ASTL: variants seen among roughly 807,000 people sequenced by gnomAD.
ASTL encodes astacin-like metalloendopeptidase.
A neutral mutation model predicts 36.7 loss-of-function variants in ASTL; 27 were observed. The observed-to-expected ratio is 0.73, with a 90% CI of 0.54 to 1.01. The LOEUF (loss-of-function observed/expected upper bound fraction) is 1.01. Ranked by LOEUF, ASTL falls within the 50% of genes least tolerant of loss-of-function variation. The pLI is 0.00. For missense variants in ASTL, 524 were observed against 572.8 expected, an observed-to-expected ratio of 0.91 and a Z score of 0.87; for synonymous variants, 222 against 228.1, an observed-to-expected ratio of 0.97 and a Z score of 0.24.
intron 6 of ASTL, 97 bp from the exon 7 acceptor site, chr2:96,130,242 T>A: frequency 1.1e-6 from 1 of 938,866 alleles, no homozygotes; most frequent in Non-Finnish European, 1.7e-6. Flanking sequence ...AGCTCATAAC[T>A]CACCCAAGCT....
chr2:96,138,272 G>T, intron 1 of ASTL, 110 bp downstream of exon 1: 1 of 1,036,228 alleles, frequency 9.7e-7, no homozygotes. Context: ...TGTGCTCTGA[G>T]CTACTGAGCT....
intron 8 of ASTL, 101 bp downstream of exon 8, chr2:96,129,723 T>TC (rs1443632847): frequency 2.5e-6 from 3 of 1,200,860 alleles, no homozygotes; most frequent in South Asian, 1.8e-5. Context: ...CTCACCCTGC[T>TC]CCCCCTGCAA....
chr2:96,125,631 T>G (rs887962333), intron 8 of ASTL, among the ~76,000 whole-genome samples: 1 of 152,172 alleles, frequency 6.6e-6, no homozygotes, highest in African/African-American at 2.4e-5. Context: ...CTAGTCATGG[T>G]AGTCAAACCT....
chr2:96,135,151 T>C (rs1475803896), intron 3 of ASTL, among the ~76,000 whole-genome samples, 200 bp downstream of exon 3: 9 of 152,266 alleles, frequency 5.9e-5, no homozygotes, highest in Admixed American at 3.3e-4. Flanking sequence ...GCACTTCAGA[T>C]ACCAGCCTTC....
chr2:96,125,540 A>T (rs957445159), intron 8 of ASTL, among the ~76,000 whole-genome samples: 1 of 152,116 alleles, frequency 6.6e-6, no homozygotes. Context: ...TCATGGTTCC[A>T]GCATCTGAAT....
rs1316279974 is a variant in ASTL, at chr2:96,123,404, G to A, written c.*446C>T. Among the ~76,000 whole-genome samples, 1 of 152,246 alleles carries A rather than the reference G, an allele frequency of 6.6e-6. No individual in the cohort carries two copies. The highest frequency in any genetic ancestry group is 2.4e-5 in the African/African-American group (1 of 41,462). On this transcript the variant is annotated 3_prime_UTR_variant, in exon 9 of 9. Coordinates refer to ENST00000342380, the MANE Select transcript of ASTL (RefSeq NM_001002036.4). ...CACTTGGGCATGTTGGGTGGGATGG[G>A]AGGCTGTTCCCAGGGTCCCAGCCAC...
Position 96,132,616 on chromosome 2 carries a change from C to A in ASTL, c.561G>T (p.Val187=). The change falls in exon 6 of 9, where the codon GTG becomes GTT. Residue 187 remains valine (V), a synonymous_variant. Transcript: ENST00000342380. This position sits in a 1 kb window ranked among gnomAD's most constrained non-coding sequence, Gnocchi z 5.4. ...GCGTGTGCTCGTGCCAGAAGCCCAGCACATGCATGAGCTCATGAAGGACAA... is the reference window on the plus strand; with the variant it reads ...GCGTGTGCTCGTGCCAGAAGCCCAGAACATGCATGAGCTCATGAAGGACAA... ...RGIVLHELMH[V]LGFWHEHTRA... 4 of 1,613,454 alleles carry A rather than the reference C, an allele frequency of 2.5e-6. No individual in the cohort carries two copies. Among genetic ancestry groups the A allele is most frequent in the Non-Finnish European group, 3.4e-6 (4 of 1,179,626 alleles).
At chr2:96,136,155 G>T (rs1682295310) in intron 2 of ASTL, among the ~76,000 whole-genome samples, 2 of 152,244 alleles carry the variant, frequency 1.3e-5, no homozygotes, top group African/African-American at 4.8e-5. Context: ...AGGAGAGAAG[G>T]CAGGGAAGAA....
At chr2:96,135,326 C>T (rs779491629) in intron 3 of ASTL, 25 bp downstream of exon 3, 1 of 1,610,630 alleles carries the variant, frequency 6.2e-7, no homozygotes, top group Non-Finnish European at 8.5e-7. Flanking sequence ...TATCCGCACC[C>T]ACACACGTCA....
rs1337153623 is a variant in ASTL at position 96,132,328 on chromosome 2, G to A, written c.637+212C>T. On this transcript the variant is annotated intron_variant, in intron 6 of 8. Transcript: ENST00000342380. This position sits in a 1 kb window ranked among gnomAD's most constrained non-coding sequence, Gnocchi z 5.4. ...CCTAGCTAAGGCACAACTACAGGTG[G>A]GTAGAGGAAGGCCTGGGGCCCAGAG... Among the ~76,000 whole-genome samples, 1 of 152,210 alleles carries A rather than the reference G, an allele frequency of 6.6e-6. No individual in the cohort carries two copies. The highest frequency in any genetic ancestry group is 1.5e-5 in the Non-Finnish European group (1 of 68,028).
chr2:96,132,444 G>T lies in ASTL; in HGVS notation c.637+96C>A. The stretch of plus-strand genomic sequence containing the variant: ...CAGGAAGCAGGCAGGTGATGGGGAG[G>T]ATGGATAGCCTCACCCATGGGGACC... On this transcript the variant is annotated intron_variant, in intron 6 of 8. Coordinates refer to ENST00000342380, the MANE Select transcript of ASTL (RefSeq NM_001002036.4). This position sits in a 1 kb window ranked among gnomAD's most constrained non-coding sequence, Gnocchi z 5.4. The T allele has an allele frequency of 8.8e-7, 1 of 1,141,678 alleles. No individual in the cohort carries two copies. Among genetic ancestry groups the T allele is most frequent in the Non-Finnish European group, 1.2e-6 (1 of 814,370 alleles). 70.7% of individuals were successfully genotyped at this position (1,141,678 alleles called of 1,614,324 possible). A position where few individuals can be genotyped will look rare whatever the true frequency, so the allele number is the denominator to read the frequency against.
intron 8 of ASTL, among the ~76,000 whole-genome samples, chr2:96,126,855 CAA>C (rs768527639): frequency 2.5e-5 from 3 of 117,808 alleles, no homozygotes; most frequent in Admixed American, 8.7e-5. Flanking sequence ...GACTCCATCT[CAA>C]AAAAAAAAAA....
At chr2:96,129,622 G>A (rs1311971249) in intron 8 of ASTL, among the ~76,000 whole-genome samples, 1 of 152,190 alleles carries the variant, frequency 6.6e-6, no homozygotes, top group Admixed American at 6.5e-5. Flanking sequence ...AAGCAAGTGA[G>A]CCCTATTCCT....
At position 96,124,019 on chromosome 2, in the gene ASTL, G is replaced by A. The variant is rs749642739; in HGVS notation, c.1127C>T (p.Ala376Val). 1 of 1,614,036 alleles carries A rather than the reference G, an allele frequency of 6.2e-7. No individual in the cohort carries two copies. Among genetic ancestry groups the A allele is most frequent in the Admixed American group, 1.7e-5 (1 of 60,014 alleles). The change falls in exon 9 of 9, where the codon GCA becomes GTA. Residue 376 changes from alanine (A) to valine (V), a missense_variant. Transcript: ENST00000342380. The surrounding 1 kb of genome is among the most constrained non-coding windows in gnomAD (Gnocchi z 4.1). ...LASSPRSRPG[A>V]GAPGVAQEQS... ...CTCCTGAGCAACACCGGGGGCACCT[G>A]CTCCAGGCCTTGATCTTGGGGAGGA...
At chr2:96,134,833 C>T (rs1682262961) in intron 3 of ASTL, among the ~76,000 whole-genome samples, 1 of 152,226 alleles carries the variant, frequency 6.6e-6, no homozygotes, top group Admixed American at 6.5e-5. Context: ...TGGCTGCCAT[C>T]CTGGGCACAG....
chr2:96,135,456 A>G (rs368373087), intron 2 of ASTL, 44 bp from the exon 3 acceptor site: 394 of 1,588,888 alleles, frequency 2.5e-4, no homozygotes, highest in Non-Finnish European at 3.2e-4. Flanking sequence ...CCCCCAGAAC[A>G]CTGACTCGTG....
chr2:96,124,575 C>A lies in ASTL; in HGVS notation c.875-304G>T, dbSNP rs1357704405. ...ACCTGACCCAGCACCAAAGCGCCCA[C>A]CTTCCGGACCCTTCACCCAGGTTGT... On this transcript the variant is annotated intron_variant, in intron 8 of 8. Coordinates refer to ENST00000342380, the MANE Select transcript of ASTL (RefSeq NM_001002036.4). This position sits in a 1 kb window ranked among gnomAD's most constrained non-coding sequence, Gnocchi z 4.1. Among the ~76,000 whole-genome samples the A allele has an allele frequency of 3.3e-5, 5 of 152,170 alleles. No homozygotes were observed. The highest frequency in any genetic ancestry group is 1.2e-4 in the African/African-American group (5 of 41,436).
intron 8 of ASTL, among the ~76,000 whole-genome samples, chr2:96,127,533 T>A (rs1305443821): frequency 6.6e-6 from 1 of 152,192 alleles, no homozygotes; most frequent in Non-Finnish European, 1.5e-5. Context: ...GTGTTTCCCA[T>A]TTGGTCTCTG....
In ASTL at chr2:96,134,049, G is replaced by A. The variant is rs375664604; in HGVS notation, c.253C>T (p.Arg85Ter). Residue 85 changes from arginine (R) to a stop codon, truncating the protein, a stop_gained, in exon 4 of 9, where the codon CGA (arginine) becomes TGA (stop). Coordinates refer to ENST00000342380, the MANE Select transcript of ASTL (RefSeq NM_001002036.4). LOFTEE classifies it high-confidence loss of function. ...TTGTTGCTGGTTGCTGACAGCAGTC[G>A]GAAGGGACTCTGAGGAGAGAGCAGC... ...EGDIIRPSPF[R>*]LLSATSNKWP... 15 of 1,612,666 alleles carry A rather than the reference G, an allele frequency of 9.3e-6. No homozygotes were observed. Among genetic ancestry groups the A allele is most frequent in the East Asian group, 4.5e-5 (2 of 44,882 alleles).
Sources: gnomAD v4.1 joint callset for allele counts (sites outside exome capture counted in the v4.1 genomes callset) on GRCh38, gnomAD v4.1.1 for gene constraint, Gnocchi (gnomAD v3.1) non-coding constraint, MANE v1.5 for transcripts, NCBI Gene and HGNC (gene_info 2026-07-23, HGNC 2026-07-21) for gene names.